The following CDYL2 variants were observed in gnomAD, a reference collection of about 807,000 sequenced individuals.
CDYL2 encodes chromodomain Y-like protein 2.
In CDYL2, 23 loss-of-function variants were observed where a neutral mutation model predicts 49.4. The ratio of observed to expected loss-of-function variants is 0.47; its 90% confidence interval spans 0.34 to 0.66. The LOEUF (loss-of-function observed/expected upper bound fraction) is 0.66, where lower values mean the gene tolerates loss of function less well. Ranked by LOEUF, CDYL2 falls within the 30% of genes least tolerant of loss-of-function variation. The pLI is 0.01. For missense variants in CDYL2, 678 were observed against 656.4 expected (o/e 1.03, Z -0.36); for synonymous variants, 360 against 268.8 (o/e 1.34, Z -3.32).
intron 2 of CDYL2, among the ~76,000 whole-genome samples, chr16:80,665,070 C>T (rs1358238765): frequency 6.6e-6 from 1 of 152,162 alleles, no homozygotes; most frequent in Non-Finnish European, 1.5e-5. Flanking sequence ...ACAATACTAG[C>T]TCACAGCAGT....
rs1906230160 is a variant in CDYL2, at chr16:80,604,288, G to C, written c.*100C>G. Reference sequence around the variant, plus strand: ...AAATGGACACAACCCTACGTATAAAGAGACACCTTGACAAACTCCTTGGCC... The same window carrying C: ...AAATGGACACAACCCTACGTATAAACAGACACCTTGACAAACTCCTTGGCC... On this transcript the variant is annotated 3_prime_UTR_variant, in exon 7 of 7. Transcript: ENST00000570137. 7.6e-7 allele frequency: 1 copy of C among 1,322,354 alleles called. No homozygotes were observed. Among genetic ancestry groups the C allele is most frequent in the Non-Finnish European group, 1.1e-6 (1 of 937,084 alleles). The allele number at this position is 1,322,354 out of a possible 1,614,324, so 81.9% of individuals were successfully genotyped here. A position where few individuals can be genotyped will look rare whatever the true frequency, so the allele number is the denominator to read the frequency against.
In CDYL2 at chr16:80,700,563, G is replaced by A. The variant is rs1295932237; in HGVS notation, c.25-15434C>T. Among the ~76,000 whole-genome samples, 7 of 152,292 alleles carry A rather than the reference G, an allele frequency of 4.6e-5. No homozygotes were observed. The South Asian group carries it at 6.2e-4, about 14-fold the overall frequency. ...AATGGCTATCAACATATTAGAAAGAGGGTTAAGCTCATCACTAATCAGGGA... is the reference window on the plus strand; with the variant it reads ...AATGGCTATCAACATATTAGAAAGAAGGTTAAGCTCATCACTAATCAGGGA... On this transcript the variant is annotated intron_variant, in intron 1 of 6. Transcript: ENST00000570137.
intron 2 of CDYL2, among the ~76,000 whole-genome samples, chr16:80,644,106 A>T (rs1908227334): frequency 6.6e-6 from 1 of 152,236 alleles, no homozygotes; most frequent in South Asian, 2.1e-4. Context: ...TGCTGCTTAG[A>T]AATTTCTTTC....
At chr16:80,636,543 A>C (rs1040975733) in intron 2 of CDYL2, among the ~76,000 whole-genome samples, 2 of 152,242 alleles carry the variant, frequency 1.3e-5, no homozygotes, top group Non-Finnish European at 2.9e-5. Context: ...ATCATTAAGA[A>C]GTCAGGAAAC....
rs896035346 is a variant in CDYL2, at chr16:80,602,098, T to C, written c.*2290A>G. 13 of 152,280 alleles carry C rather than the reference T, an allele frequency of 8.5e-5. No individual in the cohort carries two copies. The highest frequency in any genetic ancestry group is 8.5e-4 in the Admixed American group (13 of 15,302). 9.4% of individuals were successfully genotyped at this position (152,280 alleles called of 1,614,324 possible). A position where few individuals can be genotyped will look rare whatever the true frequency, so the allele number is the denominator to read the frequency against. On this transcript the variant is annotated 3_prime_UTR_variant, in exon 7 of 7. Coordinates refer to ENST00000570137, the MANE Select transcript of CDYL2 (RefSeq NM_152342.4). ...AAGAGGGGGCTCTTTCTAATGAAAATTTAGCAGTAGTGAAGACACTGTCTG... is the reference window on the plus strand; with the variant it reads ...AAGAGGGGGCTCTTTCTAATGAAAACTTAGCAGTAGTGAAGACACTGTCTG...
chr16:80,722,841 G>A (rs545866711), intron 1 of CDYL2, among the ~76,000 whole-genome samples: 7 of 152,270 alleles, frequency 4.6e-5, no homozygotes, highest in Admixed American at 1.3e-4. Flanking sequence ...GAGCATACCT[G>A]GTGCCCTAAG....
chr16:80,632,608 CAT>C (rs1907615309), intron 3 of CDYL2: 1 of 203,392 alleles, frequency 4.9e-6, no homozygotes, highest in Non-Finnish European at 1.0e-5. Flanking sequence ...TATGTAGTAA[CAT>C]ATATATGTAT....
rs1904696348 is a variant in CDYL2 at position 80,713,634 on chromosome 16, C to G, written c.25-28505G>C. ...AGATGAACACATTAAGATCTCCTGT[C>G]TTCTAATAATGTGACCTTGCTCCGC... is the stretch of plus-strand genomic sequence containing the variant. On this transcript the variant is annotated intron_variant, in intron 1 of 6. Coordinates refer to ENST00000570137, the MANE Select transcript of CDYL2 (RefSeq NM_152342.4). 2.0e-5 allele frequency among the ~76,000 whole-genome samples: 3 copies of G among 152,246 alleles called. No individual in the cohort carries two copies. The South Asian group carries it at 6.2e-4, about 32-fold the overall frequency.
chr16:80,705,952 G>A (rs1326923335), intron 1 of CDYL2, among the ~76,000 whole-genome samples: 2 of 152,178 alleles, frequency 1.3e-5, no homozygotes, highest in African/African-American at 2.4e-5. Flanking sequence ...TTTATTAAGG[G>A]AGAAAAGCAT....
At chr16:80,715,100 A>G (rs535599441) in intron 1 of CDYL2, among the ~76,000 whole-genome samples, 25 of 152,060 alleles carry the variant, frequency 1.6e-4, no homozygotes, top group Non-Finnish European at 3.2e-4. Flanking sequence ...TGGAGATGAG[A>G]TCAAAGTAAG....
chr16:80,699,137 T>A (rs905939526), intron 1 of CDYL2, among the ~76,000 whole-genome samples: 4 of 152,164 alleles, frequency 2.6e-5, no homozygotes, highest in Non-Finnish European at 2.9e-5. Context: ...TATCATATGA[T>A]TCAATAACCC....
chr16:80,725,559 C>T (rs769361749), intron 1 of CDYL2, among the ~76,000 whole-genome samples: 6 of 152,210 alleles, frequency 3.9e-5, no homozygotes, highest in African/African-American at 9.6e-5. Flanking sequence ...CTACAGTCTA[C>T]GAATCTCAGT....
intron 1 of CDYL2, among the ~76,000 whole-genome samples, chr16:80,752,632 A>G (rs1191920342): frequency 6.6e-6 from 1 of 152,228 alleles, no homozygotes; most frequent in Non-Finnish European, 1.5e-5. Flanking sequence ...ACTCAGAATT[A>G]TTTGCCCTAT....
intron 1 of CDYL2, among the ~76,000 whole-genome samples, chr16:80,695,654 A>T (rs1239245594): frequency 6.6e-6 from 1 of 152,214 alleles, no homozygotes; most frequent in Non-Finnish European, 1.5e-5. Context: ...AAAAAGCAAT[A>T]AAGGAGGTCA....
chr16:80,777,898 G>A (rs1411359185), intron 1 of CDYL2, among the ~76,000 whole-genome samples: 1 of 151,830 alleles, frequency 6.6e-6, no homozygotes, highest in Non-Finnish European at 1.5e-5. Flanking sequence ...CAAAAAAAGA[G>A]ATACTCAATA....
At chr16:80,764,647 G>C (rs985478170) in intron 1 of CDYL2, among the ~76,000 whole-genome samples, 1 of 152,222 alleles carries the variant, frequency 6.6e-6, no homozygotes, top group Non-Finnish European at 1.5e-5. Context: ...TGAGATACTA[G>C]CATCAATGGT....
intron 1 of CDYL2, among the ~76,000 whole-genome samples, chr16:80,797,784 G>A (rs1003783758): frequency 1.3e-5 from 2 of 151,802 alleles, no homozygotes; most frequent in East Asian, 1.9e-4. Flanking sequence ...CCACTCCATC[G>A]CCATTACCAC....
At chr16:80,705,656 G>A (rs1365279843) in intron 1 of CDYL2, among the ~76,000 whole-genome samples, 2 of 152,226 alleles carry the variant, frequency 1.3e-5, no homozygotes, top group African/African-American at 4.8e-5. Context: ...GTCAACAAAC[G>A]TTTTTGTGAA....
At chr16:80,749,236 A>G (rs1906045475) in intron 1 of CDYL2, among the ~76,000 whole-genome samples, 2 of 152,218 alleles carry the variant, frequency 1.3e-5, no homozygotes, top group Non-Finnish European at 2.9e-5. Flanking sequence ...ACACAACTGA[A>G]TACCTAGCAA....
Sources: gnomAD v4.1 joint callset for allele counts (sites outside exome capture counted in the v4.1 genomes callset) on GRCh38, gnomAD v4.1.1 for gene constraint, MANE v1.5 for transcripts, NCBI Gene and HGNC (gene_info 2026-07-23, HGNC 2026-07-21) for gene names.